Variants in MYO7B observed in about 807,000 individuals in gnomAD.
MYO7B encodes myosin VIIB.
MYO7B carries 212 observed loss-of-function variants against 259.7 expected under a neutral mutation model. The observed-to-expected ratio is 0.82, with a 90% CI of 0.73 to 0.91. The LOEUF (loss-of-function observed/expected upper bound fraction) is 0.91. Among genes scored for constraint, MYO7B ranks in the 40% least tolerant of loss-of-function variants. MYO7B has a pLI of 0.00. For synonymous variants in MYO7B, 1,197 were observed against 1,166.4 expected, an observed-to-expected ratio of 1.03 and a Z score of -0.54; for missense variants, 2,732 against 2,813.5, an observed-to-expected ratio of 0.97 and a Z score of 0.66.
At position 127,620,328 on chromosome 2, in the gene MYO7B, T is replaced by A. The variant is rs766379354; in HGVS notation, c.3399-12T>A. 17 of 1,609,366 alleles carry A rather than the reference T, an allele frequency of 1.1e-5. No individual in the cohort carries two copies. The highest frequency in any genetic ancestry group is 1.6e-4 in the Middle Eastern group (1 of 6,062). Reference sequence around the variant, plus strand: ...CCCCCAGCCTACTCTCCTAATGGTCTGTGTCTTTCAGGGATGAGATTTACT... The same window carrying A: ...CCCCCAGCCTACTCTCCTAATGGTCAGTGTCTTTCAGGGATGAGATTTACT... On this transcript the variant is annotated splice_polypyrimidine_tract_variant and intron_variant, in intron 26 of 47. Transcript: ENST00000409816.
chr2:127,632,176 C>T lies in MYO7B; in HGVS notation c.5250-70C>T, dbSNP rs80017064. 4.5e-3 allele frequency: 6,858 copies of T among 1,523,560 alleles called. 261 individuals are homozygous for T. In the East Asian group the frequency reaches 0.084, roughly 19 times the overall value. The allele number at this position is 1,523,560 out of a possible 1,614,324, so 94.4% of individuals were successfully genotyped here. ...CAGGCAGCTCTCACATCCGTCCCTGCTCCCCAAGGTGCCTGCCTGGCCAGG... is the reference window on the plus strand; with the variant it reads ...CAGGCAGCTCTCACATCCGTCCCTGTTCCCCAAGGTGCCTGCCTGGCCAGG... On this transcript the variant is annotated intron_variant, in intron 38 of 47. Transcript: ENST00000409816.
In MYO7B at chr2:127,636,638, G is replaced by A; in HGVS notation, c.6207+10G>A. 2 of 1,611,130 alleles carry A rather than the reference G, an allele frequency of 1.2e-6. No homozygotes were observed. The highest frequency in any genetic ancestry group is 1.7e-5 in the Admixed American group (1 of 59,550). On this transcript the variant is annotated intron_variant, in intron 46 of 47. Coordinates refer to ENST00000409816, the MANE Select transcript of MYO7B (RefSeq NM_001393586.1). This position sits in a 1 kb window ranked among gnomAD's most constrained non-coding sequence, Gnocchi z 4.5. ...CCACCCCAAGACCAAGGTAGCTGCTGGGCCTCCGGAGGGGCTGGGGGCCAC... is the reference window on the plus strand; with the variant it reads ...CCACCCCAAGACCAAGGTAGCTGCTAGGCCTCCGGAGGGGCTGGGGGCCAC...
At chr2:127,634,358 T>A in intron 41 of MYO7B, 69 bp downstream of exon 41, 1 of 1,239,796 alleles carries the variant, frequency 8.1e-7, no homozygotes, top group Non-Finnish European at 1.1e-6. Flanking sequence ...GTGCTGCCTG[T>A]GGGGGCCTCA....
intron 37 of MYO7B, 68 bp from the exon 38 acceptor site, chr2:127,631,532 G>A: frequency 3.2e-6 from 5 of 1,570,590 alleles, no homozygotes; most frequent in Non-Finnish European, 4.3e-6. Context: ...CGGGGTCGGG[G>A]TCAGCGTCTA....
intron 5 of MYO7B, among the ~76,000 whole-genome samples, chr2:127,569,131 C>T (rs1208155762): frequency 6.7e-6 from 1 of 149,040 alleles, no homozygotes; most frequent in African/African-American, 2.5e-5. Context: ...TCACTTGCAC[C>T]CAGGAGGTGG....
chr2:127,566,686 T>A lies in MYO7B; in HGVS notation c.329T>A (p.Val110Glu). ...SILVAVNPFQVLPLYTLEQVQ... is the reference protein window; with the variant it reads ...SILVAVNPFQELPLYTLEQVQ... ...CTGGTGGCCGTCAACCCGTTCCAGGTGCTGCCGCTCTACACCCTGGAGCAG... is the reference window on the plus strand; with the variant it reads ...CTGGTGGCCGTCAACCCGTTCCAGGAGCTGCCGCTCTACACCCTGGAGCAG... The change falls in exon 5 of 48, where the codon GTG becomes GAG. Residue 110 changes from valine to glutamate, a missense_variant. Val to Glu is a moderately radical substitution (Grantham distance 121, BLOSUM62 -2). Around this residue, in one of 3 missense-constraint regions of MYO7B, gnomAD observed 1,906 missense variants for 2,026.4 expected, o/e 0.94. Coordinates refer to ENST00000409816, the MANE Select transcript of MYO7B (RefSeq NM_001393586.1). The A allele has an allele frequency of 1.2e-6, 2 of 1,605,504 alleles. No homozygotes were observed. The highest frequency in any genetic ancestry group is 1.7e-6 in the Non-Finnish European group (2 of 1,176,866).
chr2:127,636,570 A>C lies in MYO7B; in HGVS notation c.6149A>C (p.Asp2050Ala). 1 of 1,612,398 alleles carries C rather than the reference A, an allele frequency of 6.2e-7. No individual in the cohort carries two copies. Among genetic ancestry groups the C allele is most frequent in the African/African-American group, 1.3e-5 (1 of 74,858 alleles). ...CAAACCTCGGAGCCTTCCTACCCGG[A>C]CGTCATCCTCATCGCCATCAACCGA... ...VKQTSEPSYP[D>A]VILIAINRHG... The change falls in exon 46 of 48, where the codon GAC becomes GCC. Residue 2050 changes from aspartate (D) to alanine (A), a missense_variant. Asp to Ala is a moderately radical substitution (Grantham distance 126). Around this residue, in one of 3 missense-constraint regions of MYO7B, gnomAD observed 821 missense variants for 769.3 expected, o/e 1.07. Coordinates refer to ENST00000409816, the MANE Select transcript of MYO7B (RefSeq NM_001393586.1). This position sits in a 1 kb window ranked among gnomAD's most constrained non-coding sequence, Gnocchi z 4.5.
rs780989342 is a variant in MYO7B, at chr2:127,577,582, G to A, written c.850-551G>A. On this transcript the variant is annotated intron_variant, in intron 8 of 47. Coordinates refer to ENST00000409816, the MANE Select transcript of MYO7B (RefSeq NM_001393586.1). The surrounding 1 kb of genome is among the most constrained non-coding windows in gnomAD (Gnocchi z 5.2). ...AGCCCTGTCCCTGCCTCCCCACCTC[G>A]TGGCCTTGCTCCCATCATCCTCTGC... Among the ~76,000 whole-genome samples, 1 of 151,662 alleles carries A rather than the reference G, an allele frequency of 6.6e-6. No homozygotes were observed. The highest frequency in any genetic ancestry group is 1.5e-5 in the Non-Finnish European group (1 of 67,954).
At position 127,627,259 on chromosome 2, in the gene MYO7B, A is replaced by T; in HGVS notation, c.4409A>T (p.Lys1470Met). The T allele has an allele frequency of 1.2e-6, 2 of 1,612,608 alleles. No homozygotes were observed. The highest frequency in any genetic ancestry group is 1.7e-6 in the Non-Finnish European group (2 of 1,179,538). ...KGLCFLDQQE[K>M]MLLELSFPEV... ...CTTTGCTTCCTGGACCAGCAGGAGA[A>T]GATGCTGCTGGAACTCTCTTTCCCA... Residue 1470 changes from lysine (K) to methionine (M), a missense_variant, in exon 33 of 48, where the codon AAG becomes ATG. Physicochemically the swap from Lys to Met is moderately conservative, Grantham distance 95 (BLOSUM62 -1). Around this residue, in one of 3 missense-constraint regions of MYO7B, gnomAD observed 1,906 missense variants for 2,026.4 expected, o/e 0.94. Transcript: ENST00000409816. This position sits in a 1 kb window ranked among gnomAD's most constrained non-coding sequence, Gnocchi z 5.6.
At chr2:127,612,753 C>A in intron 26 of MYO7B, 150 bp downstream of exon 26, 2 of 1,277,708 alleles carry the variant, frequency 1.6e-6, no homozygotes, top group Non-Finnish European at 2.1e-6. Context: ...GATGTCATAG[C>A]TACCGAGGGT....
Position 127,607,446 on chromosome 2 carries a change from T to C in MYO7B, c.2643+22T>C. ...CAATGTAGGTGGTCACCTGGCCTCT[T>C]GGGCAGGTGGGGCTGGCTGGGGCCC... On this transcript the variant is annotated intron_variant, in intron 21 of 47. Transcript: ENST00000409816. This position sits in a 1 kb window ranked among gnomAD's most constrained non-coding sequence, Gnocchi z 4.4. 1 of 1,547,742 alleles carries C rather than the reference T, an allele frequency of 6.5e-7. No homozygotes were observed. Among genetic ancestry groups the C allele is most frequent in the Non-Finnish European group, 8.7e-7 (1 of 1,144,934 alleles).
intron 26 of MYO7B, 91 bp downstream of exon 26, chr2:127,612,694 T>C (rs1485693045): frequency 1.8e-5 from 27 of 1,516,980 alleles, no homozygotes; most frequent in Non-Finnish European, 2.3e-5. Context: ...CCACCACCCC[T>C]ATGACACCTC....
At position 127,609,632 on chromosome 2, in the gene MYO7B, T is replaced by C; in HGVS notation, c.2941T>C (p.Phe981Leu). ...YTFPKFAVTY[F>L]QKSASHTHIR... ...CTTCCCCAAGTTTGCTGTGACTTAC[T>C]TCCAGAAATCAGCCAGCCACACACA... The change falls in exon 23 of 48, where the codon TTC becomes CTC. Residue 981 changes from phenylalanine (F) to leucine (L), a missense_variant. By Grantham distance (22) the Phe-to-Leu change is conservative. Around this residue, in one of 3 missense-constraint regions of MYO7B, gnomAD observed 1,906 missense variants for 2,026.4 expected, o/e 0.94. Coordinates refer to ENST00000409816, the MANE Select transcript of MYO7B (RefSeq NM_001393586.1). This position sits in a 1 kb window ranked among gnomAD's most constrained non-coding sequence, Gnocchi z 6.9. The C allele has an allele frequency of 6.2e-7, 1 of 1,613,976 alleles. No homozygotes were observed. The highest frequency in any genetic ancestry group is 1.1e-5 in the South Asian group (1 of 91,082).
chr2:127,541,583 A>ACAC (rs748403727), intron 1 of MYO7B, among the ~76,000 whole-genome samples: 16 of 152,164 alleles, frequency 1.1e-4, no homozygotes, highest in Non-Finnish European at 1.8e-4. Context: ...AAATAGGCCG[A>ACAC]CACTTGCCCA....
intron 1 of MYO7B, among the ~76,000 whole-genome samples, chr2:127,537,935 C>T (rs1692853481): frequency 6.6e-6 from 1 of 152,180 alleles, no homozygotes; most frequent in Non-Finnish European, 1.5e-5. Context: ...AATCCAGTGT[C>T]ATTGTAGACT....
In MYO7B at chr2:127,628,545, TGGGTGGGGTG is replaced by T. The variant is rs144295028; in HGVS notation, c.4624+34_4624+43del. The T allele has an allele frequency of 5.5e-3, 1,656 of 299,792 alleles. 9 individuals are homozygous for T. The highest frequency in any genetic ancestry group is 8.2e-3 in the South Asian group (142 of 17,318). The allele number at this position is 299,792 out of a possible 1,614,324, so 18.6% of individuals were successfully genotyped here. A position where few individuals can be genotyped will look rare whatever the true frequency, so the allele number is the denominator to read the frequency against. Reference sequence around the variant, plus strand: ...GACAGGAAGGCCACAGGTGCCAGACTGGGTGGGGTGGGGTGGGGTGGGGTGGGGTGGGGGA... The same window carrying T: ...GACAGGAAGGCCACAGGTGCCAGACTGGGTGGGGTGGGGTGGGGTGGGGGA... On this transcript the variant is annotated intron_variant, in intron 34 of 47. Coordinates refer to ENST00000409816, the MANE Select transcript of MYO7B (RefSeq NM_001393586.1). The surrounding 1 kb of genome is among the most constrained non-coding windows in gnomAD (Gnocchi z 4.8).
At chr2:127,617,466 T>C (rs1680611864) in intron 26 of MYO7B, among the ~76,000 whole-genome samples, 1 of 147,868 alleles carries the variant, frequency 6.8e-6, no homozygotes, top group East Asian at 2.0e-4. Context: ...GACCTTATGC[T>C]GCCAGCAGAC....
chr2:127,616,451 C>A (rs544635011), intron 26 of MYO7B, among the ~76,000 whole-genome samples: 2 of 152,322 alleles, frequency 1.3e-5, no homozygotes, highest in East Asian at 3.8e-4. Context: ...GCAACTTATT[C>A]TCCCGGTTCA....
chr2:127,596,210 G>T (rs572228505), intron 18 of MYO7B, among the ~76,000 whole-genome samples: 1 of 152,336 alleles, frequency 6.6e-6, no homozygotes, highest in African/African-American at 2.4e-5. Context: ...CTTCAGAGTA[G>T]AAATAAAGGA....
Sources: gnomAD v4.1 joint callset for allele counts (sites outside exome capture counted in the v4.1 genomes callset) on GRCh38, gnomAD v4.1.1 for gene constraint, gnomAD v4.1.1 regional missense constraint, Gnocchi (gnomAD v3.1) non-coding constraint, MANE v1.5 for transcripts, NCBI Gene and HGNC (gene_info 2026-07-23, HGNC 2026-07-21) for gene names.